Variants in TTLL4 observed in about 807,000 individuals in gnomAD.
The protein encoded by TTLL4 is tubulin monoglutamylase TTLL4.
TTLL4 carries 85 observed loss-of-function variants against 122.7 expected under a neutral mutation model. The ratio of observed to expected loss-of-function variants is 0.69; its 90% CI spans 0.58 to 0.83. The LOEUF (loss-of-function observed/expected upper bound fraction) is 0.83, where lower values mean the gene tolerates loss of function less well. TTLL4 is among the 40% of genes least tolerant of loss of function. The probability of loss-of-function intolerance (pLI) is 0.00; values close to 1 mark genes in which losing one functional copy is unlikely to be tolerated. For synonymous variants in TTLL4, 553 were observed against 563.0 expected (o/e 0.98, Z 0.25); for missense variants, 1,363 against 1,488.6 (o/e 0.92, Z 1.39).
intron 2 of TTLL4, among the ~76,000 whole-genome samples, chr2:218,733,170 A>G (rs551809273): frequency 1.3e-5 from 2 of 152,292 alleles, no homozygotes; most frequent in African/African-American, 4.8e-5. Context: ...TTAGGAAGAC[A>G]GTGGCCCTTA....
chr2:218,747,211 G>A lies in TTLL4; in HGVS notation c.2166+17G>A, dbSNP rs781337226. 6.2e-7 allele frequency: 1 copy of A among 1,614,164 alleles called. No individual in the cohort carries two copies. Among genetic ancestry groups the A allele is most frequent in the African/African-American group, 1.3e-5 (1 of 75,050 alleles). ...GTGAAGCCAGTGAGTGAATCACAGTGGGCAGGAGACTATGGTCTGTGAGTG... is the reference window on the plus strand; with the variant it reads ...GTGAAGCCAGTGAGTGAATCACAGTAGGCAGGAGACTATGGTCTGTGAGTG... On this transcript the variant is annotated intron_variant, in intron 9 of 19. Coordinates refer to ENST00000392102, the MANE Select transcript of TTLL4 (RefSeq NM_014640.5). The surrounding 1 kb of genome is among the most constrained non-coding windows in gnomAD (Gnocchi z 4.7).
Position 218,749,868 on chromosome 2 carries a change from G to A in TTLL4, c.2736-141G>A, listed in dbSNP as rs552571822. On this transcript the variant is annotated intron_variant, in intron 14 of 19. Coordinates refer to ENST00000392102, the MANE Select transcript of TTLL4 (RefSeq NM_014640.5). ...CTTTGGGGCAAGAGAGTCTTGTGAT[G>A]GTGATCCTGCATGGGGATGTTTGAG... 207 of 1,143,058 alleles carry A rather than the reference G, an allele frequency of 1.8e-4. 1 individual carries two copies. The highest frequency in any genetic ancestry group is 2.5e-4 in the Non-Finnish European group (202 of 804,038). The allele number at this position is 1,143,058 out of a possible 1,614,324, so 70.8% of individuals were successfully genotyped here. A position where few individuals can be genotyped will look rare whatever the true frequency, so the allele number is the denominator to read the frequency against.
At chr2:218,745,551 T>C in intron 6 of TTLL4, 140 bp from the exon 7 acceptor site, 1 of 680,058 alleles carries the variant, frequency 1.5e-6, no homozygotes, top group East Asian at 2.7e-5. Context: ...TGTGCTCCTC[T>C]GAAACCCTGA....
chr2:218,746,469 TC>T, intron 8 of TTLL4: 1 of 521,286 alleles, frequency 1.9e-6, no homozygotes, highest in Non-Finnish European at 3.5e-6. Context: ...GGCAGCTGAG[TC>T]CCTCTCCTGA....
Position 218,753,447 on chromosome 2 carries a change from G to C in TTLL4, c.3259-137G>C, listed in dbSNP as rs539657894. 27 of 935,754 alleles carry C rather than the reference G, an allele frequency of 2.9e-5. No individual in the cohort carries two copies. The African/African-American group carries it at 4.4e-4, about 15-fold the overall frequency. The allele number at this position is 935,754 out of a possible 1,614,324, so 58.0% of individuals were successfully genotyped here. A position where few individuals can be genotyped will look rare whatever the true frequency, so the allele number is the denominator to read the frequency against. ...AGAGAACTGAGACTTTTACCCACCT[G>C]GGCCCATGCCTGAGGGGTAGGGAAG... On this transcript the variant is annotated intron_variant, in intron 18 of 19. Transcript: ENST00000392102.
At chr2:218,732,404 C>T (rs1461492628) in intron 2 of TTLL4, among the ~76,000 whole-genome samples, 1 of 152,104 alleles carries the variant, frequency 6.6e-6, no homozygotes, top group African/African-American at 2.4e-5. Context: ...CACATATACA[C>T]AAAGTGTGCA....
downstream of TTLL4, among the ~76,000 whole-genome samples, chr2:218,756,073 G>A (rs972510473): frequency 6.6e-6 from 1 of 152,138 alleles, no homozygotes; most frequent in Non-Finnish European, 1.5e-5. Context: ...TCTTCTCCCC[G>A]CTGGCTGCAG....
rs940802869 is a variant in TTLL4, at chr2:218,747,425, A to T, written c.2249+53A>T. 2 of 1,598,178 alleles carry T rather than the reference A, an allele frequency of 1.3e-6. No homozygotes were observed. The highest frequency in any genetic ancestry group is 1.7e-6 in the Non-Finnish European group (2 of 1,170,684). On this transcript the variant is annotated intron_variant, in intron 10 of 19. Transcript: ENST00000392102. This position sits in a 1 kb window ranked among gnomAD's most constrained non-coding sequence, Gnocchi z 4.7. ...CCATCCTCCCACCTCCTTGGCCTCG[A>T]GGTTCCCTTCTTACAATGTTCTGCC...
At chr2:218,734,811 A>G (rs868747459) in intron 2 of TTLL4, among the ~76,000 whole-genome samples, 50 of 152,206 alleles carry the variant, frequency 3.3e-4, no homozygotes, top group African/African-American at 1.1e-3. Context: ...CTTAATACAC[A>G]TGCATGCGTG....
chr2:218,753,437 T>A (rs2106465700), intron 18 of TTLL4, 147 bp from the exon 19 acceptor site: 1 of 893,704 alleles, frequency 1.1e-6, no homozygotes. Flanking sequence ...ACTGAGACTT[T>A]TACCCACCTG....
At chr2:218,734,895 C>G (rs928510146) in intron 2 of TTLL4, among the ~76,000 whole-genome samples, 1 of 152,182 alleles carries the variant, frequency 6.6e-6, no homozygotes, top group Admixed American at 6.5e-5. Context: ...CACAAACACA[C>G]GCTGTAATTG....
chr2:218,742,147 A>G (rs960070842), intron 5 of TTLL4, among the ~76,000 whole-genome samples: 1 of 151,932 alleles, frequency 6.6e-6, no homozygotes, highest in African/African-American at 2.4e-5. Flanking sequence ...TTTTTTTTGT[A>G]GAGTTGTGGG....
intron 8 of TTLL4, chr2:218,746,466 G>A (rs927882586): frequency 7.2e-6 from 4 of 556,326 alleles, no homozygotes; most frequent in Non-Finnish European, 1.3e-5. Flanking sequence ...GGGGGCAGCT[G>A]AGTCCCTCTC....
intron 1 of TTLL4, among the ~76,000 whole-genome samples, chr2:218,724,699 A>G (rs73080933): frequency 6.6e-6 from 1 of 151,980 alleles, no homozygotes; most frequent in Non-Finnish European, 1.5e-5. Flanking sequence ...TGTTATTGAT[A>G]AGTAAGGACT....
Position 218,737,913 on chromosome 2 carries a change from A to G in TTLL4, c.237A>G (p.Ala79=), listed in dbSNP as rs774678094. Residue 79 remains alanine, a synonymous_variant, in exon 3 of 20, where the codon GCA becomes GCG. Coordinates refer to ENST00000392102, the MANE Select transcript of TTLL4 (RefSeq NM_014640.5). ...PGLLGVPPQP[A]YFFCPSTLCS... ...TCTTGGGCGTCCCACCCCAGCCAGC[A>G]TATTTCTTTTGCCCCAGCACTTTAT... The G allele has an allele frequency of 1.4e-5, 22 of 1,614,190 alleles. No homozygotes were observed. Among genetic ancestry groups the G allele is most frequent in the Non-Finnish European group, 1.9e-5 (22 of 1,180,032 alleles).
At chr2:218,719,847 G>A (rs1256111644) in intron 1 of TTLL4, among the ~76,000 whole-genome samples, 1 of 152,220 alleles carries the variant, frequency 6.6e-6, no homozygotes, top group African/African-American at 2.4e-5. Flanking sequence ...TCTGGAGGTT[G>A]CCTGCAGGGT....
chr2:218,726,287 T>A (rs1229651012), intron 1 of TTLL4, among the ~76,000 whole-genome samples: 1 of 152,180 alleles, frequency 6.6e-6, no homozygotes, highest in Non-Finnish European at 1.5e-5. Context: ...GGAGCTCCCT[T>A]ATATGTATTT....
In TTLL4 at chr2:218,749,246, T is replaced by A. The variant is rs768404526; in HGVS notation, c.2601-7T>A. ...TGAACTGAGTACTTCCTCATCCCCATGACCAGGTCAGAGCCCTATGTGACC... is the reference window on the plus strand; with the variant it reads ...TGAACTGAGTACTTCCTCATCCCCAAGACCAGGTCAGAGCCCTATGTGACC... On this transcript the variant is annotated splice_region_variant and splice_polypyrimidine_tract_variant and intron_variant, in intron 13 of 19. Transcript: ENST00000392102. 6.2e-7 allele frequency: 1 copy of A among 1,613,944 alleles called. No homozygotes were observed. The highest frequency in any genetic ancestry group is 2.2e-5 in the East Asian group (1 of 44,896).
intron 1 of TTLL4, among the ~76,000 whole-genome samples, chr2:218,715,936 GAT>G (rs1553606347): frequency 1.3e-5 from 2 of 152,072 alleles, no homozygotes; most frequent in Non-Finnish European, 1.5e-5. Flanking sequence ...GGCCTGGAAT[GAT>G]AATCTTATGG....
Sources: allele counts gnomAD v4.1 joint callset (sites outside exome capture counted in the v4.1 genomes callset), GRCh38; gene constraint gnomAD v4.1.1; non-coding constraint Gnocchi (gnomAD v3.1); transcripts MANE v1.5; gene names NCBI Gene and HGNC (gene_info 2026-07-23, HGNC 2026-07-21).